The following PHF12 variants were observed in gnomAD, a reference collection of about 807,000 sequenced individuals.
PHF12 encodes PHD finger protein 12, also known as PHD factor 1.
A neutral mutation model predicts 99.8 loss-of-function variants in PHF12; 6 were observed. The ratio of observed to expected loss-of-function variants is 0.06; its 90% confidence interval spans 0.03 to 0.12. PHF12 has a LOEUF of 0.12. PHF12 is among the 10% of genes least tolerant of loss of function. The probability of loss-of-function intolerance (pLI) is 1.00; values close to 1 mark genes in which losing one functional copy is unlikely to be tolerated. For missense variants in PHF12, 954 were observed against 1,300.1 expected, an observed-to-expected ratio of 0.73 and a Z score of 4.09; for synonymous variants, 480 against 514.9, an observed-to-expected ratio of 0.93 and a Z score of 0.92.
chr17:28,949,569 CGAG>C lies in PHF12; in HGVS notation c.248+493_248+495del, dbSNP rs534794153. 372 of 155,118 alleles carry C rather than the reference CGAG, an allele frequency of 2.4e-3. 4 individuals carry two copies. Among genetic ancestry groups the C allele is most frequent in the Non-Finnish European group, 7.4e-4 (52 of 69,922 alleles). 9.6% of individuals were successfully genotyped at this position (155,118 alleles called of 1,614,324 possible). On this transcript the variant is annotated intron_variant, in intron 2 of 14. Transcript: ENST00000332830. This position sits in a 1 kb window ranked among gnomAD's most constrained non-coding sequence, Gnocchi z 4.6. ...CAGAGAGGCAAAGAAGAGGCGGACT[CGAG>C]AGACACCCTCCACGATTTTTTCTAC...
At chr17:28,931,880 C>A (rs956188646) in intron 2 of PHF12, among the ~76,000 whole-genome samples, 5 of 152,014 alleles carry the variant, frequency 3.3e-5, no homozygotes, top group Admixed American at 6.6e-5. Context: ...CTGTGCCTGG[C>A]CAAGATTTGC....
At chr17:28,911,052 G>C in intron 10 of PHF12, 60 bp downstream of exon 10, 1 of 1,608,310 alleles carries the variant, frequency 6.2e-7, no homozygotes, top group Non-Finnish European at 8.5e-7. Context: ...GCTGAATGCT[G>C]TATAGGAATA....
Position 28,950,639 on chromosome 17 carries a change from C to A in PHF12, c.66+256G>T. 1 of 547,288 alleles carries A rather than the reference C, an allele frequency of 1.8e-6. No individual in the cohort carries two copies. The highest frequency in any genetic ancestry group is 2.7e-5 in the South Asian group (1 of 36,708). The allele number at this position is 547,288 out of a possible 1,614,324, so 33.9% of individuals were successfully genotyped here. A position where few individuals can be genotyped will look rare whatever the true frequency, so the allele number is the denominator to read the frequency against. On this transcript the variant is annotated intron_variant, in intron 1 of 14. Transcript: ENST00000332830. This position sits in a 1 kb window ranked among gnomAD's most constrained non-coding sequence, Gnocchi z 5.7. ...ACAAGAAGGGGGTGGGGAGGCCTGC[C>A]GGTGCAACGAGATGGAGTGGGCTGG...
At chr17:28,946,138 A>T (rs547050548) in intron 2 of PHF12, among the ~76,000 whole-genome samples, 1 of 152,318 alleles carries the variant, frequency 6.6e-6, no homozygotes, top group South Asian at 2.1e-4. Context: ...TCTCAGAAAA[A>T]CAAAAACAAA....
intron 3 of PHF12, 70 bp from the exon 4 acceptor site, chr17:28,924,372 C>G (rs757750380): frequency 6.2e-7 from 1 of 1,605,694 alleles, no homozygotes; most frequent in Admixed American, 1.7e-5. Context: ...CTACAAAGTC[C>G]TGGTAGACCA....
chr17:28,926,166 C>G (rs1050093901), intron 3 of PHF12: 1 of 152,506 alleles, frequency 6.6e-6, no homozygotes, highest in Non-Finnish European at 1.5e-5. Flanking sequence ...TTCTTAAAGG[C>G]TGAAACTGTT....
rs2039866480 is a variant in PHF12, at chr17:28,906,095, G to C, written c.*88C>G. The C allele has an allele frequency of 9.6e-6, 13 of 1,348,182 alleles. No homozygotes were observed. The South Asian group carries it at 1.8e-4, about 18-fold the overall frequency. The allele number at this position is 1,348,182 out of a possible 1,614,324, so 83.5% of individuals were successfully genotyped here. ...GTTGAAGGGTTTCTGGTAGAGTATA[G>C]AAAACACCCGGGCTTGGTTTGTGTA... is the stretch of plus-strand genomic sequence containing the variant. On this transcript the variant is annotated 3_prime_UTR_variant, in exon 15 of 15. Coordinates refer to ENST00000332830, the MANE Select transcript of PHF12 (RefSeq NM_001033561.2). The surrounding 1 kb of genome is among the most constrained non-coding windows in gnomAD (Gnocchi z 4.2).
chr17:28,908,742 G>T (rs1351218125), intron 12 of PHF12, 41 bp downstream of exon 12: 8 of 1,593,072 alleles, frequency 5.0e-6, no homozygotes, highest in Non-Finnish European at 6.9e-6. Context: ...CTTTAGGGCT[G>T]AACAGATTCA....
chr17:28,921,585 TG>T, intron 5 of PHF12, 102 bp downstream of exon 5: 2 of 1,407,468 alleles, frequency 1.4e-6, no homozygotes, highest in Non-Finnish European at 9.9e-7. Flanking sequence ...TATCAGAATA[TG>T]GGCTGTTCAC....
At chr17:28,916,628 G>C (rs1374835691) in intron 7 of PHF12, among the ~76,000 whole-genome samples, 1 of 152,202 alleles carries the variant, frequency 6.6e-6, no homozygotes, top group Non-Finnish European at 1.5e-5. Context: ...TATAGTGTTG[G>C]ACCCTCTAGG....
In PHF12 at chr17:28,950,644, C is replaced by T. The variant is rs952392972; in HGVS notation, c.66+251G>A. ...AAGGGGGTGGGGAGGCCTGCCGGTG[C>T]AACGAGATGGAGTGGGCTGGCGCCT... On this transcript the variant is annotated intron_variant, in intron 1 of 14. Transcript: ENST00000332830. This position sits in a 1 kb window ranked among gnomAD's most constrained non-coding sequence, Gnocchi z 5.7. 21 of 558,672 alleles carry T rather than the reference C, an allele frequency of 3.8e-5. No homozygotes were observed. Among genetic ancestry groups the T allele is most frequent in the Non-Finnish European group, 6.1e-5 (20 of 327,454 alleles). The allele number at this position is 558,672 out of a possible 1,614,324, so 34.6% of individuals were successfully genotyped here.
At chr17:28,928,777 AAAACAAAC>A (rs112582212) in intron 2 of PHF12, among the ~76,000 whole-genome samples, 2 of 151,690 alleles carry the variant, frequency 1.3e-5, no homozygotes, top group African/African-American at 4.9e-5. Flanking sequence ...ACTCCATCTC[AAAACAAAC>A]AAACAAACAA....
At chr17:28,932,035 GA>G (rs1414485466) in intron 2 of PHF12, among the ~76,000 whole-genome samples, 2 of 152,186 alleles carry the variant, frequency 1.3e-5, no homozygotes, top group East Asian at 3.8e-4. Flanking sequence ...TGGAACACAA[GA>G]ATCACCCATC....
intron 3 of PHF12, chr17:28,925,384 G>A (rs2040253028): frequency 1.3e-5 from 2 of 152,214 alleles, no homozygotes; most frequent in African/African-American, 4.8e-5. Context: ...CTTCCACTAC[G>A]AATCATGATA....
chr17:28,915,244 T>C (rs1431182686), intron 7 of PHF12, among the ~76,000 whole-genome samples: 2 of 152,182 alleles, frequency 1.3e-5, no homozygotes, highest in African/African-American at 4.8e-5. Flanking sequence ...CTTTGTGGAT[T>C]TGGAAAACAT....
Position 28,923,651 on chromosome 17 carries a change from C to CAAAAAAAAAAAAAAAAAAAAAAAAA in PHF12, c.715+257_715+258insTTTTTTTTTTTTTTTTTTTTTTTTT, listed in dbSNP as rs1491183033. Among the ~76,000 whole-genome samples, 41 of 21,962 alleles carry CAAAAAAAAAAAAAAAAAAAAAAAAA rather than the reference C, an allele frequency of 1.9e-3. 4 individuals are homozygous for CAAAAAAAAAAAAAAAAAAAAAAAAA. Among genetic ancestry groups the CAAAAAAAAAAAAAAAAAAAAAAAAA allele is most frequent in the Admixed American group, 2.6e-3 (4 of 1,514 alleles). 14.4% of individuals were successfully genotyped at this position (21,962 alleles called of 152,430 possible). On this transcript the variant is annotated intron_variant, in intron 4 of 14. Coordinates refer to ENST00000332830, the MANE Select transcript of PHF12 (RefSeq NM_001033561.2). The stretch of plus-strand genomic sequence containing the variant: ...CTAGCCTGAGTGACAAAGTGAGACT[C>CAAAAAAAAAAAAAAAAAAAAAAAAA]ACAAAAAAAAAAAAAAAAAAAAAAG...
chr17:28,917,286 T>C lies in PHF12; in HGVS notation c.1133A>G (p.Lys378Arg), dbSNP rs1414498253. 6.2e-7 allele frequency: 1 copy of C among 1,613,388 alleles called. No individual in the cohort carries two copies. Among genetic ancestry groups the C allele is most frequent in the Non-Finnish European group, 8.5e-7 (1 of 1,180,020 alleles). Residue 378 changes from lysine to arginine, a missense_variant and splice_region_variant, in exon 7 of 15, where the codon AAG becomes AGG. By Grantham distance (26) the Lys-to-Arg change is conservative (BLOSUM62 2). Around this residue, in one of 8 missense-constraint regions of PHF12, gnomAD observed 392 missense variants for 423.1 expected, o/e 0.93. Coordinates refer to ENST00000332830, the MANE Select transcript of PHF12 (RefSeq NM_001033561.2). ...TGCCTGCACCTGATTGTGACTCACC[T>C]TCAAGCTTCTTCTTTTGACCGACTG... ...VLQSVKRRSL[K>R]VPDAIKSQYQ... is the part of the protein sequence containing the mutation.
Position 28,908,835 on chromosome 17 carries a change from T to G in PHF12, c.2406A>C (p.Leu802Phe), listed in dbSNP as rs758983568. ...VQARAVFYPL[L>F]GLGGAVNMCY... ...ACATGTTCACAGCTCCTCCCAACCC[T>G]AAGAGGGGGTAGAACACAGCTCGGG... The change falls in exon 12 of 15, where the codon TTA becomes TTC. Residue 802 changes from leucine to phenylalanine, a missense_variant. By Grantham distance (22) the Leu-to-Phe change is conservative. This residue lies in a region of PHF12 where 143 missense variants were observed against 191.8 expected (regional missense o/e 0.75). Transcript: ENST00000332830. 9 of 1,613,856 alleles carry G rather than the reference T, an allele frequency of 5.6e-6. No homozygotes were observed. Among genetic ancestry groups the G allele is most frequent in the Non-Finnish European group, 6.8e-6 (8 of 1,179,990 alleles).
At chr17:28,907,569 C>T (rs750190531) in intron 13 of PHF12, 21 bp downstream of exon 13, 5 of 1,612,980 alleles carry the variant, frequency 3.1e-6, no homozygotes, top group Non-Finnish European at 4.2e-6. Context: ...AGCTCCCTCC[C>T]ACCGCATCTC....
Sources: allele counts gnomAD v4.1 joint callset (sites outside exome capture counted in the v4.1 genomes callset), GRCh38; gene constraint gnomAD v4.1.1; regional missense constraint gnomAD v4.1.1; non-coding constraint Gnocchi (gnomAD v3.1); transcripts MANE v1.5; gene names NCBI Gene and HGNC (gene_info 2026-07-23, HGNC 2026-07-21).